Variants in TCF7L1 observed in about 807,000 individuals in gnomAD.
TCF7L1 encodes the protein transcription factor 7 like 1.
A neutral mutation model predicts 63.7 loss-of-function variants in TCF7L1; 18 were observed. The observed-to-expected ratio is 0.28, with a 90% CI of 0.20 to 0.42. The LOEUF (loss-of-function observed/expected upper bound fraction) is 0.42, where lower values mean the gene tolerates loss of function less well. TCF7L1 is among the 10% of genes least tolerant of loss of function. TCF7L1 has a pLI of 1.00. For missense variants in TCF7L1, 654 were observed against 779.3 expected, an observed-to-expected ratio of 0.84 and a Z score of 1.91; for synonymous variants, 355 against 340.9, an observed-to-expected ratio of 1.04 and a Z score of -0.46.
At chr2:85,297,641 A>G (rs779311076) in intron 4 of TCF7L1, among the ~76,000 whole-genome samples, 14 of 152,124 alleles carry the variant, frequency 9.2e-5, no homozygotes, top group Non-Finnish European at 2.1e-4. Flanking sequence ...CCTGGGTAAC[A>G]TGGCAAACCC....
chr2:85,246,862 A>G (rs1292136424), intron 3 of TCF7L1, among the ~76,000 whole-genome samples: 1 of 152,118 alleles, frequency 6.6e-6, no homozygotes, highest in Non-Finnish European at 1.5e-5. Context: ...CCTCTTGTCC[A>G]CTTGTAGGAC....
At chr2:85,197,198 G>T (rs1679177114) in intron 3 of TCF7L1, among the ~76,000 whole-genome samples, 1 of 152,198 alleles carries the variant, frequency 6.6e-6, no homozygotes. Context: ...ATCACCTGAG[G>T]TCAGGAGTTC....
At chr2:85,161,870 C>T (rs77707396) in intron 3 of TCF7L1, among the ~76,000 whole-genome samples, 8,353 of 151,952 alleles carry the variant, frequency 0.055, 236 homozygotes, top group Middle Eastern at 0.095. Flanking sequence ...AGCTCAGAGG[C>T]TTGTGGTGAT....
At chr2:85,142,609 G>A (rs1677772290) in intron 3 of TCF7L1, among the ~76,000 whole-genome samples, 1 of 152,074 alleles carries the variant, frequency 6.6e-6, no homozygotes, top group Non-Finnish European at 1.5e-5. Context: ...AGAGCATATA[G>A]AAAACCGTCC....
At chr2:85,223,547 G>A (rs1229262706) in intron 3 of TCF7L1, among the ~76,000 whole-genome samples, 1 of 152,000 alleles carries the variant, frequency 6.6e-6, no homozygotes, top group East Asian at 1.9e-4. Context: ...GGATGTATGG[G>A]GTGTCTGCTT....
chr2:85,225,043 T>TC lies in TCF7L1; in HGVS notation c.442-58448dup, dbSNP rs554218951. Among the ~76,000 whole-genome samples, 494 of 152,352 alleles carry TC rather than the reference T, an allele frequency of 3.2e-3. 4 individuals are homozygous for TC. Among genetic ancestry groups the TC allele is most frequent in the African/African-American group, 0.011 (477 of 41,590 alleles). On this transcript the variant is annotated intron_variant, in intron 3 of 11. Transcript: ENST00000282111. The stretch of plus-strand genomic sequence containing the variant: ...ACCATTTATTAAATAGGGAATCCTT[T>TC]CCCCATTGCTTATTTTTGTCAGGTT...
intron 3 of TCF7L1, among the ~76,000 whole-genome samples, chr2:85,141,660 G>A (rs930996572): frequency 6.6e-6 from 1 of 152,188 alleles, no homozygotes; most frequent in Non-Finnish European, 1.5e-5. Flanking sequence ...GGAGCCATAG[G>A]GCAGGCTTGA....
intron 3 of TCF7L1, among the ~76,000 whole-genome samples, chr2:85,236,848 G>T (rs541583586): frequency 1.3e-5 from 2 of 152,258 alleles, no homozygotes; most frequent in South Asian, 2.1e-4. Context: ...GAGAAGGAGG[G>T]ACTGCAGGGT....
At chr2:85,305,445 C>T (rs768575350) in intron 8 of TCF7L1, 42 bp downstream of exon 8, 37 of 1,573,350 alleles carry the variant, frequency 2.4e-5, no homozygotes, top group Non-Finnish European at 2.9e-5. Flanking sequence ...AGGGTGCAGG[C>T]TGTGGGGAGG....
chr2:85,274,303 T>G (rs1488561668), intron 3 of TCF7L1, among the ~76,000 whole-genome samples: 1 of 152,166 alleles, frequency 6.6e-6, no homozygotes, highest in Non-Finnish European at 1.5e-5. Context: ...GAAAGCAAGT[T>G]GAACTTTGAC....
intron 3 of TCF7L1, among the ~76,000 whole-genome samples, chr2:85,161,589 C>A (rs542183175): frequency 6.6e-6 from 1 of 152,218 alleles, no homozygotes; most frequent in Non-Finnish European, 1.5e-5. Flanking sequence ...CTCACCCCTG[C>A]GGTGTTGGTC....
intron 3 of TCF7L1, among the ~76,000 whole-genome samples, chr2:85,260,970 G>A (rs1165376597): frequency 6.6e-6 from 1 of 152,118 alleles, no homozygotes; most frequent in African/African-American, 2.4e-5. Flanking sequence ...CATATCTACT[G>A]TGACAGGCCT....
At chr2:85,220,989 A>T (rs975070825) in intron 3 of TCF7L1, among the ~76,000 whole-genome samples, 1 of 152,226 alleles carries the variant, frequency 6.6e-6, no homozygotes, top group Admixed American at 6.5e-5. Context: ...ATATATTGTT[A>T]TACAAGAAAG....
chr2:85,206,234 T>G (rs1679406347), intron 3 of TCF7L1, among the ~76,000 whole-genome samples: 2 of 152,224 alleles, frequency 1.3e-5, no homozygotes, highest in African/African-American at 4.8e-5. Context: ...TGGCAATTCT[T>G]CCACCCACAC....
chr2:85,253,702 A>G (rs1195003828), intron 3 of TCF7L1, among the ~76,000 whole-genome samples: 5 of 152,282 alleles, frequency 3.3e-5, no homozygotes, highest in Admixed American at 6.5e-5. Context: ...CTTAAAAGAA[A>G]TCTTCCTCCT....
intron 3 of TCF7L1, among the ~76,000 whole-genome samples, chr2:85,237,373 C>G (rs1486264863): frequency 6.6e-6 from 1 of 152,046 alleles, no homozygotes; most frequent in Non-Finnish European, 1.5e-5. Flanking sequence ...GATTGGAGCC[C>G]TGGTGACTCC....
At chr2:85,289,277 G>A (rs1305097758) in intron 4 of TCF7L1, among the ~76,000 whole-genome samples, 1 of 151,122 alleles carries the variant, frequency 6.6e-6, no homozygotes, top group Non-Finnish European at 1.5e-5. Context: ...GCTCTCTGAT[G>A]ACCAAAATGC....
rs548846904 is a variant in TCF7L1 at position 85,172,955 on chromosome 2, C to T, written c.441+38505C>T. 3.3e-5 allele frequency among the ~76,000 whole-genome samples: 5 copies of T among 152,328 alleles called. No individual in the cohort carries two copies. The South Asian group carries it at 6.2e-4, about 19-fold the overall frequency. ...TCTCCACTCGCTACCACAGCAGCGC[C>T]ACAAGGGCTTGTTCACTGGTCTACC... On this transcript the variant is annotated intron_variant, in intron 3 of 11. Transcript: ENST00000282111.
chr2:85,304,052 C>A, intron 6 of TCF7L1, 55 bp downstream of exon 6: 2 of 1,436,720 alleles, frequency 1.4e-6, no homozygotes, highest in Non-Finnish European at 9.7e-7. Flanking sequence ...TGAGCTCTGC[C>A]TCTGTGCCCT....
Sources: gnomAD v4.1 joint callset for allele counts (sites outside exome capture counted in the v4.1 genomes callset) on GRCh38, gnomAD v4.1.1 for gene constraint, MANE v1.5 for transcripts, NCBI Gene and HGNC (gene_info 2026-07-23, HGNC 2026-07-21) for gene names.